PTPRR: variants seen among roughly 807,000 people sequenced by gnomAD.
The protein encoded by PTPRR is receptor-type tyrosine-protein phosphatase R.
In PTPRR, 38 loss-of-function variants were observed where a neutral mutation model predicts 77.2. The observed-to-expected ratio is 0.49, with a 90% CI of 0.38 to 0.65. The LOEUF (loss-of-function observed/expected upper bound fraction) is 0.65, where lower values mean the gene tolerates loss of function less well. PTPRR is among the 30% of genes least tolerant of loss of function. The probability of loss-of-function intolerance (pLI) is 0.00; values close to 1 mark genes in which losing one functional copy is unlikely to be tolerated. For synonymous variants in PTPRR, 299 were observed against 283.1 expected (o/e 1.06, Z -0.57); for missense variants, 744 against 799.2 (o/e 0.93, Z 0.83).
intron 10 of PTPRR, among the ~76,000 whole-genome samples, chr12:70,671,190 T>G (rs1039544480): frequency 9.2e-5 from 14 of 152,218 alleles, no homozygotes; most frequent in Non-Finnish European, 1.9e-4. Flanking sequence ...AAGTCTACTG[T>G]GTATTTCTTT....
intron 6 of PTPRR, among the ~76,000 whole-genome samples, chr12:70,744,353 A>G (rs182514397): frequency 3.7e-4 from 56 of 152,310 alleles, no homozygotes; most frequent in Admixed American, 1.8e-3. Flanking sequence ...ATTTAGTGAT[A>G]TCTACGTAAG....
chr12:70,678,682 T>C (rs1308384635), intron 10 of PTPRR, among the ~76,000 whole-genome samples: 1 of 152,194 alleles, frequency 6.6e-6, no homozygotes, highest in Admixed American at 6.5e-5. Flanking sequence ...TGTCCTTTTT[T>C]ATTTTTTGAG....
chr12:70,660,927 A>G lies in PTPRR; in HGVS notation c.1766+13T>C. On this transcript the variant is annotated intron_variant, in intron 12 of 13. Transcript: ENST00000283228. Reference sequence around the variant, plus strand: ...GGCCATTGCTTAGACAGAAAGGACCATACACGTCTTACCTGCAGTGGACAA... The same window carrying G: ...GGCCATTGCTTAGACAGAAAGGACCGTACACGTCTTACCTGCAGTGGACAA... 6.2e-7 allele frequency: 1 copy of G among 1,608,592 alleles called. No individual in the cohort carries two copies. The highest frequency in any genetic ancestry group is 1.1e-5 in the South Asian group (1 of 89,992).
chr12:70,818,350 G>A (rs1391430533), intron 2 of PTPRR, among the ~76,000 whole-genome samples: 1 of 151,694 alleles, frequency 6.6e-6, no homozygotes, highest in Non-Finnish European at 1.5e-5. Flanking sequence ...GAAAGAGAAA[G>A]AAGAAGAGAG....
rs143062761 is a variant in PTPRR at position 70,875,170 on chromosome 12, T to C, written c.357+17509A>G. ...CAGTTAGAATCATGAATCATGACCATTGAGTAGGAAAGTTTTCCCTGGATA... is the reference window on the plus strand; with the variant it reads ...CAGTTAGAATCATGAATCATGACCACTGAGTAGGAAAGTTTTCCCTGGATA... On this transcript the variant is annotated intron_variant, in intron 2 of 13. Coordinates refer to ENST00000283228, the MANE Select transcript of PTPRR (RefSeq NM_002849.4). Among the ~76,000 whole-genome samples, 157 of 152,136 alleles carry C rather than the reference T, an allele frequency of 1.0e-3. 1 individual carries two copies. Among genetic ancestry groups the C allele is most frequent in the African/African-American group, 3.5e-3 (146 of 41,480 alleles).
intron 2 of PTPRR, among the ~76,000 whole-genome samples, chr12:70,794,670 C>T (rs763667123): frequency 7.9e-5 from 12 of 152,164 alleles, no homozygotes; most frequent in Admixed American, 1.3e-4. Flanking sequence ...AGAGGGCCTC[C>T]GACAGCTGAT....
At chr12:70,676,929 G>A (rs890365587) in intron 10 of PTPRR, among the ~76,000 whole-genome samples, 1 of 151,230 alleles carries the variant, frequency 6.6e-6, no homozygotes, top group African/African-American at 2.4e-5. Context: ...CAAATTTTAG[G>A]ATTAAAAATT....
intron 2 of PTPRR, among the ~76,000 whole-genome samples, chr12:70,876,071 A>AT (rs1161079926): frequency 2.6e-5 from 4 of 152,174 alleles, no homozygotes; most frequent in Non-Finnish European, 4.4e-5. Flanking sequence ...TGGTGGGAAG[A>AT]TAAATTGCTA....
chr12:70,908,085 T>C (rs527481490), intron 1 of PTPRR, among the ~76,000 whole-genome samples: 28 of 152,180 alleles, frequency 1.8e-4, no homozygotes, highest in Non-Finnish European at 3.7e-4. Context: ...ATTGTTTTCA[T>C]AGCAGAGTTC....
intron 2 of PTPRR, among the ~76,000 whole-genome samples, chr12:70,809,110 T>C (rs1186981047): frequency 6.6e-6 from 1 of 152,196 alleles, no homozygotes; most frequent in African/African-American, 2.4e-5. Flanking sequence ...TGTGGTCACA[T>C]GGCACAGTTC....
At chr12:70,741,993 G>A (rs1255231346) in intron 6 of PTPRR, among the ~76,000 whole-genome samples, 1 of 152,164 alleles carries the variant, frequency 6.6e-6, no homozygotes, top group Non-Finnish European at 1.5e-5. Context: ...CTGAAAAAGA[G>A]GAAGAGAGAG....
At chr12:70,725,174 G>A (rs1392631440) in intron 6 of PTPRR, among the ~76,000 whole-genome samples, 4 of 151,974 alleles carry the variant, frequency 2.6e-5, no homozygotes, top group Non-Finnish European at 4.4e-5. Context: ...TTGCCATCTA[G>A]CTATGTACTA....
At chr12:70,801,767 C>T (rs1332330970) in intron 2 of PTPRR, among the ~76,000 whole-genome samples, 1 of 138,630 alleles carries the variant, frequency 7.2e-6, no homozygotes, top group African/African-American at 2.9e-5. Context: ...CTATCTATAG[C>T]TATCTATCTC....
intron 6 of PTPRR, among the ~76,000 whole-genome samples, chr12:70,714,355 G>A (rs147178436): frequency 2.7e-3 from 408 of 152,080 alleles, no homozygotes; most frequent in Non-Finnish European, 4.5e-3. Context: ...AGTTCTTCCC[G>A]CCTCCTGATT....
At chr12:70,686,800 A>G (rs1277923317) in intron 8 of PTPRR, among the ~76,000 whole-genome samples, 1 of 152,118 alleles carries the variant, frequency 6.6e-6, no homozygotes. Context: ...CAACAACTCA[A>G]TTGAAATCTC....
At chr12:70,851,232 T>C (rs145489155) in intron 2 of PTPRR, among the ~76,000 whole-genome samples, 1 of 152,342 alleles carries the variant, frequency 6.6e-6, no homozygotes, top group Non-Finnish European at 1.5e-5. Context: ...CTCTTAAATA[T>C]TGCATTTATC....
At chr12:70,869,840 C>A (rs1892931133) in intron 2 of PTPRR, among the ~76,000 whole-genome samples, 1 of 152,070 alleles carries the variant, frequency 6.6e-6, no homozygotes, top group Non-Finnish European at 1.5e-5. Context: ...TTGACATTAG[C>A]CAAAAACAGT....
intron 2 of PTPRR, among the ~76,000 whole-genome samples, chr12:70,768,295 AAATAGACGC>A (rs1157263938): frequency 1.3e-4 from 20 of 152,316 alleles, no homozygotes; most frequent in African/African-American, 3.8e-4. Flanking sequence ...GAGAAGAATC[AAATAGACGC>A]AATAAAAAAT....
Position 70,764,787 on chromosome 12 carries a change from T to C in PTPRR, c.358-9A>G. ...ACATCCATTTGCAGTGTCTAGAAAA[T>C]AAGGACAAAAATAAATCCAAATTAT... On this transcript the variant is annotated splice_polypyrimidine_tract_variant and intron_variant, in intron 2 of 13. Transcript: ENST00000283228. 3.8e-6 allele frequency: 6 copies of C among 1,588,722 alleles called. No individual in the cohort carries two copies. The highest frequency in any genetic ancestry group is 4.3e-6 in the Non-Finnish European group (5 of 1,156,992).
Sources: gnomAD v4.1 joint callset for allele counts (sites outside exome capture counted in the v4.1 genomes callset) on GRCh38, gnomAD v4.1.1 for gene constraint, MANE v1.5 for transcripts, NCBI Gene and HGNC (gene_info 2026-07-23, HGNC 2026-07-21) for gene names.